The following CCDC141 variants were observed in gnomAD, a reference collection of about 807,000 sequenced individuals.
CCDC141 encodes coiled-coil domain containing 141, also known as coiled-coil domain-containing protein 141.
Under a neutral mutation model 181.0 loss-of-function variants are expected in CCDC141, and 168 were observed. The observed-to-expected ratio is 0.93, with a 90% CI of 0.82 to 1.05. CCDC141 has a LOEUF of 1.05. Among genes scored for constraint, CCDC141 ranks in the 50% least tolerant of loss-of-function variants. The pLI is 0.00. For synonymous variants in CCDC141, 666 were observed against 642.3 expected (o/e 1.04, Z -0.56); for missense variants, 1,902 against 1,788.5 (o/e 1.06, Z -1.14).
Position 178,853,569 on chromosome 2 carries a change from G to C in CCDC141, c.3116C>G (p.Ser1039Cys), listed in dbSNP as rs113537694. 8.7e-6 allele frequency: 14 copies of C among 1,613,874 alleles called. No homozygotes were observed. The highest frequency in any genetic ancestry group is 1.1e-5 in the Non-Finnish European group (13 of 1,179,924). ...SATVVRVGKY[S>C]TECKTKEAVK... Reference sequence around the variant, plus strand: ...AGCTTCCTTTGTCTTGCACTCTGTGGAATATTTTCCAACTCTTACAACTGT... The same window carrying C: ...AGCTTCCTTTGTCTTGCACTCTGTGCAATATTTTCCAACTCTTACAACTGT... Residue 1039 changes from serine (S) to cysteine (C), a missense_variant, in exon 20 of 24, where the codon TCC (serine) becomes TGC (cysteine). Ser to Cys is a moderately radical substitution (Grantham distance 112, BLOSUM62 -1). Coordinates refer to ENST00000443758, the MANE Select transcript of CCDC141 (RefSeq NM_173648.4).
intron 11 of CCDC141, among the ~76,000 whole-genome samples, chr2:178,883,639 A>G (rs1449998270): frequency 1.3e-5 from 2 of 152,206 alleles, no homozygotes; most frequent in East Asian, 3.8e-4. Context: ...GCACATACTT[A>G]TCTTGGGTTG....
At chr2:178,821,807 G>C in the CCDC141 span, among the ~76,000 whole-genome samples, 3 of 152,126 alleles carry the variant, frequency 2.0e-5, no homozygotes, top group South Asian at 4.1e-4. Flanking sequence ...TTACACTGTT[G>C]GTGGGACTGT....
At chr2:178,994,818 C>T (rs1463015628) in intron 2 of CCDC141, among the ~76,000 whole-genome samples, 1 of 152,168 alleles carries the variant, frequency 6.6e-6, no homozygotes, top group Non-Finnish European at 1.5e-5. Flanking sequence ...TCATCTATCT[C>T]AAGTTCAAAG....
At chr2:178,890,479 C>G (rs1211323721) in intron 8 of CCDC141, among the ~76,000 whole-genome samples, 2 of 152,142 alleles carry the variant, frequency 1.3e-5, no homozygotes, top group Non-Finnish European at 2.9e-5. Context: ...CCTCTTGATT[C>G]CTGTTCACAT....
At chr2:179,047,185 G>C (rs571949553) in intron 2 of CCDC141, 99 bp downstream of exon 2, 1 of 1,027,882 alleles carries the variant, frequency 9.7e-7, no homozygotes, top group East Asian at 2.9e-5. Flanking sequence ...CCATATTAAA[G>C]TGGCCCTAGG....
At chr2:178,950,042 G>T (rs1358449603) in intron 5 of CCDC141, among the ~76,000 whole-genome samples, 1 of 152,064 alleles carries the variant, frequency 6.6e-6, no homozygotes, top group Non-Finnish European at 1.5e-5. Context: ...CAATTCAAAC[G>T]ACCTTAACAG....
intron 2 of CCDC141, among the ~76,000 whole-genome samples, chr2:178,992,880 G>C (rs1015982166): frequency 6.6e-6 from 1 of 152,096 alleles, no homozygotes; most frequent in Non-Finnish European, 1.5e-5. Flanking sequence ...GTTTTTAAGT[G>C]GCTTTTCCCC....
chr2:178,837,993 C>G (rs1479028122), intron 22 of CCDC141, among the ~76,000 whole-genome samples: 2 of 152,140 alleles, frequency 1.3e-5, no homozygotes, highest in East Asian at 3.9e-4. Context: ...ACATTGTGAA[C>G]AGAAGAGAGA....
chr2:178,829,993 T>A lies in CCDC141; in HGVS notation c.*4180A>T, dbSNP rs1317275832. On this transcript the variant is annotated 3_prime_UTR_variant, in exon 24 of 24. Coordinates refer to ENST00000443758, the MANE Select transcript of CCDC141 (RefSeq NM_173648.4). ...CTTTCTTTATATTTACAAGTTTGTA[T>A]GAAATACTGGTTTCAAATAAGATCT... 2.6e-5 allele frequency: 4 copies of A among 152,226 alleles called. No homozygotes were observed. Among genetic ancestry groups the A allele is most frequent in the African/African-American group, 9.6e-5 (4 of 41,470 alleles). 9.4% of individuals were successfully genotyped at this position (152,226 alleles called of 1,614,324 possible).
intron 15 of CCDC141, 77 bp from the exon 16 acceptor site, chr2:178,868,282 A>G: frequency 7.9e-7 from 1 of 1,273,168 alleles, no homozygotes; most frequent in Non-Finnish European, 1.1e-6. Flanking sequence ...TTTCTATAGC[A>G]CATTTTGCTA....
At chr2:178,871,013 C>T (rs1303007992) in intron 14 of CCDC141, among the ~76,000 whole-genome samples, 1 of 152,042 alleles carries the variant, frequency 6.6e-6, no homozygotes, top group African/African-American at 2.4e-5. Context: ...AGGACAGTGA[C>T]ATAACAGTGG....
At chr2:178,918,238 T>C (rs1423926508) in intron 7 of CCDC141, among the ~76,000 whole-genome samples, 1 of 151,666 alleles carries the variant, frequency 6.6e-6, no homozygotes, top group African/African-American at 2.4e-5. Context: ...AGCAAGACCC[T>C]GTCTCTACCA....
rs756712857 is a variant in CCDC141, at chr2:178,836,928, C to T, written c.4291G>A (p.Glu1431Lys). 6.2e-7 allele frequency: 1 copy of T among 1,613,022 alleles called. No individual in the cohort carries two copies. Among genetic ancestry groups the T allele is most frequent in the Non-Finnish European group, 8.5e-7 (1 of 1,179,676 alleles). ...GTAGGCTCTGGAAATCCTGTTACTTCAACTTCCAAAGTCACTGGAGAACCT... is the reference window on the plus strand; with the variant it reads ...GTAGGCTCTGGAAATCCTGTTACTTTAACTTCCAAAGTCACTGGAGAACCT... ...MEGSPVTLEV[E>K]VTGFPEPTLT... Residue 1431 changes from glutamate to lysine, a missense_variant, in exon 23 of 24, where the codon GAA becomes AAA. By Grantham distance (56) the Glu-to-Lys change is moderately conservative (BLOSUM62 1). Transcript: ENST00000443758.
chr2:178,893,825 A>G (rs60573958), intron 8 of CCDC141, among the ~76,000 whole-genome samples: 35,220 of 102,806 alleles, frequency 0.34, 4,341 homozygotes, highest in Middle Eastern at 0.42. Flanking sequence ...ACACACACGC[A>G]CACACACACA....
At chr2:178,912,169 C>T (rs1308376841) in intron 7 of CCDC141, among the ~76,000 whole-genome samples, 1 of 152,100 alleles carries the variant, frequency 6.6e-6, no homozygotes, top group Non-Finnish European at 1.5e-5. Flanking sequence ...TTCTTACCCT[C>T]AAGAAATTTT....
the CCDC141 span, among the ~76,000 whole-genome samples, chr2:178,819,670 A>T: frequency 6.6e-6 from 1 of 152,132 alleles, no homozygotes; most frequent in East Asian, 1.9e-4. Context: ...GGAGGTGCTA[A>T]TGACATCTAG....
chr2:178,920,659 G>A (rs1435101739), intron 6 of CCDC141, among the ~76,000 whole-genome samples: 2 of 151,740 alleles, frequency 1.3e-5, no homozygotes. Flanking sequence ...AGGAAGTTGA[G>A]GCTGCAGTGA....
chr2:179,015,469 T>TATATATCTC (rs2154385081), intron 2 of CCDC141, among the ~76,000 whole-genome samples: 1 of 105,222 alleles, frequency 9.5e-6, no homozygotes, highest in Non-Finnish European at 2.2e-5. Context: ...ATATATCTCA[T>TATATATCTC]ATATGTGCCA....
chr2:178,934,670 A>G (rs983338813), intron 6 of CCDC141, among the ~76,000 whole-genome samples: 9 of 152,186 alleles, frequency 5.9e-5, no homozygotes, highest in African/African-American at 2.2e-4. Context: ...TTCTGAATGT[A>G]TTCCAGTAAG....
Sources: gnomAD v4.1 joint callset for allele counts (sites outside exome capture counted in the v4.1 genomes callset) on GRCh38, gnomAD v4.1.1 for gene constraint, MANE v1.5 for transcripts, NCBI Gene and HGNC (gene_info 2026-07-23, HGNC 2026-07-21) for gene names.